CMSS1: variants seen among roughly 807,000 people sequenced by gnomAD.
CMSS1 encodes the protein cms1 ribosomal small subunit homolog, also known as protein CMSS1.
A neutral mutation model predicts 43.5 loss-of-function variants in CMSS1; 33 were observed. The ratio of observed to expected loss-of-function variants is 0.76; its 90% CI spans 0.57 to 1.01. The LOEUF is 1.01. Ranked by LOEUF, CMSS1 falls within the 50% of genes least tolerant of loss-of-function variation. The pLI is 0.00. For synonymous variants in CMSS1, 115 were observed against 117.2 expected, an observed-to-expected ratio of 0.98 and a Z score of 0.12; for missense variants, 313 against 326.4, an observed-to-expected ratio of 0.96 and a Z score of 0.32.
intron 1 of CMSS1, chr3:99,924,378 A>ATTCTTTATGTTTT: frequency 6.2e-7 from 1 of 1,613,974 alleles, no homozygotes; most frequent in African/African-American, 1.3e-5. Context: ...CGTCTGTAAG[A>ATTCTTTATGTTTT]TTCTTTATGT....
chr3:100,122,894 A>G (rs918311953), intron 1 of CMSS1, among the ~76,000 whole-genome samples: 11 of 152,246 alleles, frequency 7.2e-5, no homozygotes, highest in Non-Finnish European at 1.5e-4. Context: ...TAAAATATAA[A>G]GATGGCCTTC....
intron 1 of CMSS1, among the ~76,000 whole-genome samples, chr3:99,980,409 A>G (rs1464685353): frequency 6.6e-6 from 1 of 152,166 alleles, no homozygotes; most frequent in African/African-American, 2.4e-5. Flanking sequence ...TACATCAGAT[A>G]TGTTAGGTAA....
At chr3:99,909,898 A>G (rs1394656994) in intron 1 of CMSS1, among the ~76,000 whole-genome samples, 2 of 152,108 alleles carry the variant, frequency 1.3e-5, no homozygotes, top group Admixed American at 6.5e-5. Context: ...TGAACCCTTC[A>G]TATTCAGAGT....
At chr3:100,101,124 T>C (rs2066297920) in intron 1 of CMSS1, among the ~76,000 whole-genome samples, 1 of 152,146 alleles carries the variant, frequency 6.6e-6, no homozygotes, top group African/African-American at 2.4e-5. Flanking sequence ...TAGACTATGG[T>C]GAAAAGTAAA....
At position 99,899,862 on chromosome 3, in the gene CMSS1, G is replaced by C. The variant is rs1706379603; in HGVS notation, c.64+81819G>C. Among the ~76,000 whole-genome samples, 3 of 152,080 alleles carry C rather than the reference G, an allele frequency of 2.0e-5. No individual in the cohort carries two copies. The South Asian group carries it at 6.2e-4, about 32-fold the overall frequency. On this transcript the variant is annotated intron_variant, in intron 1 of 9. Transcript: ENST00000421999. ...AATGGTGAGAGTACCTTCCTCATAGGGTTGTTATATTTAAATGAGTTACAA... is the reference window on the plus strand; with the variant it reads ...AATGGTGAGAGTACCTTCCTCATAGCGTTGTTATATTTAAATGAGTTACAA...
At chr3:100,098,691 A>C (rs184022326) in intron 1 of CMSS1, among the ~76,000 whole-genome samples, 1 of 152,338 alleles carries the variant, frequency 6.6e-6, no homozygotes, top group Admixed American at 6.5e-5. Flanking sequence ...ACTGTGTAGC[A>C]TAGCAGTGCC....
At chr3:99,880,679 ATTAAT>A (rs1338011327) in intron 1 of CMSS1, among the ~76,000 whole-genome samples, 2 of 152,074 alleles carry the variant, frequency 1.3e-5, no homozygotes, top group East Asian at 1.9e-4. Flanking sequence ...TTGTTTTAAA[ATTAAT>A]TTAAAATTTT....
In CMSS1 at chr3:99,825,474, C is replaced by G. The variant is rs1336398235; in HGVS notation, c.64+7431C>G. 2.0e-5 allele frequency among the ~76,000 whole-genome samples: 3 copies of G among 152,274 alleles called. No homozygotes were observed. The East Asian group carries it at 5.8e-4, about 29-fold the overall frequency. On this transcript the variant is annotated intron_variant, in intron 1 of 9. Coordinates refer to ENST00000421999, the MANE Select transcript of CMSS1 (RefSeq NM_032359.4). ...ACACTTGAAGGCTGTAACAGATGGACACTTAGATAACCTTCATGGTCTGGT... is the reference window on the plus strand; with the variant it reads ...ACACTTGAAGGCTGTAACAGATGGAGACTTAGATAACCTTCATGGTCTGGT...
chr3:99,937,662 C>G (rs1707721945), intron 1 of CMSS1, among the ~76,000 whole-genome samples: 3 of 152,206 alleles, frequency 2.0e-5, no homozygotes, highest in Admixed American at 2.0e-4. Flanking sequence ...CCATGTCCTA[C>G]AGAGTTGGAC....
intron 1 of CMSS1, chr3:99,849,614 T>G: frequency 6.2e-7 from 1 of 1,613,464 alleles, no homozygotes; most frequent in Non-Finnish European, 8.5e-7. Context: ...TCTGCTAACT[T>G]GTACTTAGCA....
intron 1 of CMSS1, among the ~76,000 whole-genome samples, chr3:99,942,516 T>C (rs1038366005): frequency 1.3e-5 from 2 of 152,198 alleles, no homozygotes; most frequent in Non-Finnish European, 2.9e-5. Context: ...TAGGCACATA[T>C]TGGATACATA....
chr3:99,872,075 A>G (rs1323362667), intron 1 of CMSS1, among the ~76,000 whole-genome samples: 1 of 151,916 alleles, frequency 6.6e-6, no homozygotes, highest in Non-Finnish European at 1.5e-5. Context: ...TCTTCCTAGC[A>G]CTAATTAAGG....
At chr3:99,955,159 C>G (rs1172494855) in intron 1 of CMSS1, among the ~76,000 whole-genome samples, 1 of 152,214 alleles carries the variant, frequency 6.6e-6, no homozygotes, top group Non-Finnish European at 1.5e-5. Flanking sequence ...CTGTATCATT[C>G]TAGCAATGGG....
intron 4 of CMSS1, among the ~76,000 whole-genome samples, 155 bp downstream of exon 4, chr3:100,162,587 C>T (rs1046103988): frequency 4.6e-5 from 7 of 152,148 alleles, no homozygotes; most frequent in African/African-American, 7.2e-5. Flanking sequence ...GCTAGAGGAT[C>T]GCTTGAGCCC....
intron 1 of CMSS1, among the ~76,000 whole-genome samples, chr3:100,007,318 T>G (rs902453838): frequency 6.6e-6 from 1 of 152,218 alleles, no homozygotes; most frequent in Admixed American, 6.5e-5. Flanking sequence ...TTTATTTGAC[T>G]AGAAAACTAG....
intron 1 of CMSS1, among the ~76,000 whole-genome samples, chr3:100,101,781 C>T (rs1348525191): frequency 1.3e-5 from 2 of 152,120 alleles, no homozygotes; most frequent in Non-Finnish European, 2.9e-5. Flanking sequence ...TCCCCTCACC[C>T]CACAACAGGC....
Position 100,178,326 on chromosome 3 carries a change from C to T in CMSS1, c.778C>T (p.Leu260Phe), listed in dbSNP as rs774164679. Residue 260 changes from leucine (L) to phenylalanine (F), a missense_variant, in exon 10 of 10, where the codon CTT becomes TTT. Transcript: ENST00000421999. ...TTAGATAAGAAAGGAGGTATTCGAA[C>T]TTCTGGAAATGGGAGTGCTCAGTCT... ...IPEIRKEVFE[L>F]LEMGVLSLCK... is the part of the protein sequence containing the mutation. 1 of 1,612,544 alleles carries T rather than the reference C, an allele frequency of 6.2e-7. No individual in the cohort carries two copies. The highest frequency in any genetic ancestry group is 1.7e-5 in the Admixed American group (1 of 59,974).
At chr3:99,848,986 G>T (rs377403924) in intron 1 of CMSS1, 1 of 1,614,114 alleles carries the variant, frequency 6.2e-7, no homozygotes, top group Non-Finnish European at 8.5e-7. Context: ...CTGCCCAGGT[G>T]TGTGGCTTAG....
chr3:99,937,104 T>C (rs754901251), intron 1 of CMSS1, among the ~76,000 whole-genome samples: 1 of 151,856 alleles, frequency 6.6e-6, no homozygotes, highest in Non-Finnish European at 1.5e-5. Context: ...TGTGGCTAAT[T>C]TTTTTGTATT....
Sources: allele counts gnomAD v4.1 joint callset (sites outside exome capture counted in the v4.1 genomes callset), GRCh38; gene constraint gnomAD v4.1.1; transcripts MANE v1.5; gene names NCBI Gene and HGNC (gene_info 2026-07-23, HGNC 2026-07-21).